Variants in UBTD1 observed in about 807,000 individuals in gnomAD.
UBTD1 encodes the protein ubiquitin domain containing 1.
In UBTD1, 19 loss-of-function variants were observed where a neutral mutation model predicts 21.7. The ratio of observed to expected loss-of-function variants is 0.87; its 90% confidence interval spans 0.61 to 1.28. The LOEUF is 1.28. Ranked by LOEUF, UBTD1 falls within the 50% of genes most tolerant of loss-of-function variation. The pLI, the probability that UBTD1 is intolerant of heterozygous loss-of-function variation, is 0.00. For synonymous variants in UBTD1, 116 were observed against 135.1 expected, an observed-to-expected ratio of 0.86 and a Z score of 0.98; for missense variants, 282 against 315.1, an observed-to-expected ratio of 0.89 and a Z score of 0.80.
At chr10:97,522,364 C>T (rs535216169) in intron 1 of UBTD1, among the ~76,000 whole-genome samples, 1 of 152,362 alleles carries the variant, frequency 6.6e-6, no homozygotes, top group East Asian at 1.9e-4. Flanking sequence ...GTGAGAGCAG[C>T]TCCCTCCGAT....
At chr10:97,568,569 G>C (rs2040729610) in intron 2 of UBTD1, among the ~76,000 whole-genome samples, 1 of 151,846 alleles carries the variant, frequency 6.6e-6, no homozygotes, top group South Asian at 2.1e-4. Flanking sequence ...TTACAGGCAT[G>C]TGCCACCATG....
At chr10:97,502,052 GTA>G (rs1257158161) in intron 1 of UBTD1, among the ~76,000 whole-genome samples, 4 of 152,164 alleles carry the variant, frequency 2.6e-5, no homozygotes, top group African/African-American at 9.7e-5. Context: ...TATCCTTGTA[GTA>G]TATGTCTCTC....
intron 1 of UBTD1, among the ~76,000 whole-genome samples, chr10:97,547,094 T>C (rs1389876199): frequency 2.0e-5 from 3 of 152,042 alleles, no homozygotes; most frequent in Non-Finnish European, 4.4e-5. Flanking sequence ...CCCCTTGGAG[T>C]GGTGCATGTC....
rs780578450 is a variant in UBTD1, at chr10:97,570,312, G to T, written c.473G>T (p.Gly158Val). ...EFPLKVRLST[G>V]KDVRLSASLP... is the part of the protein sequence containing the mutation. The stretch of plus-strand genomic sequence containing the variant: ...CCGCTGAAGGTGCGCCTGTCCACGG[G>T]CAAGGACGTGAGGCTCAGCGCCAGC... The change falls in exon 3 of 3, where the codon GGC becomes GTC. Residue 158 changes from glycine (G) to valine (V), a missense_variant. Coordinates refer to ENST00000370664, the MANE Select transcript of UBTD1 (RefSeq NM_024954.5). The surrounding 1 kb of genome is among the most constrained non-coding windows in gnomAD (Gnocchi z 6.6). 5.0e-6 allele frequency: 8 copies of T among 1,613,212 alleles called. No individual in the cohort carries two copies. The highest frequency in any genetic ancestry group is 1.7e-6 in the Non-Finnish European group (2 of 1,179,942).
chr10:97,549,933 C>T (rs1037088215), intron 1 of UBTD1, among the ~76,000 whole-genome samples: 1 of 152,256 alleles, frequency 6.6e-6, no homozygotes, highest in Non-Finnish European at 1.5e-5. Context: ...CCCTCCCCGC[C>T]TGGGCTGATC....
At chr10:97,502,642 C>T (rs905587989) in intron 1 of UBTD1, among the ~76,000 whole-genome samples, 18 of 152,166 alleles carry the variant, frequency 1.2e-4, no homozygotes, top group Admixed American at 5.9e-4. Context: ...CTGTTTAAAG[C>T]GAGAAAGTTA....
intron 1 of UBTD1, among the ~76,000 whole-genome samples, chr10:97,549,180 G>A (rs1042852388): frequency 1.3e-5 from 2 of 152,174 alleles, no homozygotes; most frequent in African/African-American, 2.4e-5. Context: ...CAGAGGATCC[G>A]GGCCTGCCTC....
At chr10:97,503,519 G>A (rs1175099982) in intron 1 of UBTD1, among the ~76,000 whole-genome samples, 1 of 152,222 alleles carries the variant, frequency 6.6e-6, no homozygotes, top group East Asian at 1.9e-4. Context: ...ATCTGACTCT[G>A]TGATGTGCCA....
intron 1 of UBTD1, among the ~76,000 whole-genome samples, chr10:97,515,951 G>A (rs1393938057): frequency 9.2e-5 from 14 of 152,206 alleles, no homozygotes; most frequent in Non-Finnish European, 2.9e-5. Flanking sequence ...GGTGCTCCTC[G>A]AGGCTTTGAT....
At chr10:97,519,800 G>C (rs947415662) in intron 1 of UBTD1, among the ~76,000 whole-genome samples, 2 of 152,176 alleles carry the variant, frequency 1.3e-5, no homozygotes, top group African/African-American at 4.8e-5. Flanking sequence ...TTGATTAAAA[G>C]GGGGTATGTG....
chr10:97,503,194 G>C (rs2040384885), intron 1 of UBTD1, among the ~76,000 whole-genome samples: 1 of 152,200 alleles, frequency 6.6e-6, no homozygotes, highest in Non-Finnish European at 1.5e-5. Flanking sequence ...GGGATTACTG[G>C]CGTGAGCCGC....
At chr10:97,510,710 G>A (rs927056429) in intron 1 of UBTD1, among the ~76,000 whole-genome samples, 2 of 152,138 alleles carry the variant, frequency 1.3e-5, no homozygotes, top group Non-Finnish European at 2.9e-5. Flanking sequence ...GACTTCTTCA[G>A]TGTGTCCTGG....
intron 1 of UBTD1, among the ~76,000 whole-genome samples, chr10:97,519,847 C>A (rs1487448253): frequency 6.6e-6 from 1 of 152,098 alleles, no homozygotes; most frequent in Non-Finnish European, 1.5e-5. Context: ...CAACAAGAGA[C>A]TGTATGTGTC....
intron 1 of UBTD1, among the ~76,000 whole-genome samples, chr10:97,501,337 AG>A (rs1265267277): frequency 4.1e-4 from 63 of 152,330 alleles, no homozygotes; most frequent in Non-Finnish European, 7.9e-4. Flanking sequence ...CTGTAATCCC[AG>A]CACTTTGGGA....
chr10:97,567,848 G>C, intron 1 of UBTD1, 66 bp from the exon 2 acceptor site: 1 of 1,504,550 alleles, frequency 6.6e-7, no homozygotes, highest in African/African-American at 1.4e-5. Context: ...GGGGAGGGGA[G>C]GGGGAGGGCA....
intron 2 of UBTD1, 37 bp downstream of exon 2, chr10:97,568,178 G>A: frequency 6.2e-7 from 1 of 1,606,666 alleles, no homozygotes; most frequent in Non-Finnish European, 8.5e-7. Flanking sequence ...CCCCGCTGGA[G>A]CTAGGGGGTC....
At chr10:97,521,057 C>G (rs1379643171) in intron 1 of UBTD1, among the ~76,000 whole-genome samples, 1 of 152,206 alleles carries the variant, frequency 6.6e-6, no homozygotes, top group Non-Finnish European at 1.5e-5. Flanking sequence ...AGCCGGGCCA[C>G]AGACTGAGGC....
chr10:97,502,827 G>C (rs1488194194), intron 1 of UBTD1, among the ~76,000 whole-genome samples: 1 of 151,132 alleles, frequency 6.6e-6, no homozygotes, highest in African/African-American at 2.4e-5. Flanking sequence ...TCATATGTGT[G>C]TGTGTGCGTA....
chr10:97,535,979 T>TTATTATTATTGTTATTAG (rs1180643924), intron 1 of UBTD1, among the ~76,000 whole-genome samples: 87 of 144,118 alleles, frequency 6.0e-4, no homozygotes, highest in African/African-American at 2.2e-3. Context: ...ATTATTATTA[T>TTATTATTATTGTTATTAG]TATTATTATT....
Sources: gnomAD v4.1 joint callset for allele counts (sites outside exome capture counted in the v4.1 genomes callset) on GRCh38, gnomAD v4.1.1 for gene constraint, Gnocchi (gnomAD v3.1) non-coding constraint, MANE v1.5 for transcripts, NCBI Gene and HGNC (gene_info 2026-07-23, HGNC 2026-07-21) for gene names.